Variants in CAPS2 observed in about 807,000 individuals in gnomAD.
The protein encoded by CAPS2 is calcyphosine 2.
In CAPS2, 98 loss-of-function variants were observed where a neutral mutation model predicts 86.5. That is an observed-to-expected ratio of 1.13 (90% confidence interval 0.96 to 1.34). The LOEUF (loss-of-function observed/expected upper bound fraction) is 1.34. CAPS2 is among the 40% of genes most tolerant of loss of function. CAPS2 has a pLI of 0.00. For synonymous variants in CAPS2, 210 were observed against 225.1 expected, an observed-to-expected ratio of 0.93 and a Z score of 0.60; for missense variants, 729 against 686.8, an observed-to-expected ratio of 1.06 and a Z score of -0.69.
At chr12:75,360,996 G>A (rs547945452) in intron 1 of CAPS2, 1 of 152,232 alleles carries the variant, frequency 6.6e-6, no homozygotes, top group Non-Finnish European at 1.5e-5. Context: ...CTCACAACCA[G>A]GAAGAATTTC....
At chr12:75,292,719 T>C (rs1295823984) in intron 12 of CAPS2, among the ~76,000 whole-genome samples, 3 of 147,512 alleles carry the variant, frequency 2.0e-5, no homozygotes, top group African/African-American at 7.4e-5. Context: ...ATATTATATA[T>C]AATATCACAG....
Position 75,363,582 on chromosome 12 carries a change from C to T in CAPS2, c.-395+27256G>A, listed in dbSNP as rs191892286. Among the ~76,000 whole-genome samples, 171 of 152,204 alleles carry T rather than the reference C, an allele frequency of 1.1e-3. 1 individual carries two copies. The highest frequency in any genetic ancestry group is 3.6e-3 in the African/African-American group (151 of 41,544). ...CAAAGTAATTATGATTTAAAACTAACATGTTTCTCTTTCATGATCAGCTTT... is the reference window on the plus strand; with the variant it reads ...CAAAGTAATTATGATTTAAAACTAATATGTTTCTCTTTCATGATCAGCTTT... On this transcript the variant is annotated intron_variant, in intron 1 of 5. Transcript: ENST00000551829.
At position 75,299,830 on chromosome 12, in the gene CAPS2, C is replaced by A; in HGVS notation, c.854+7G>T. ...AGGATTAAAAATTTTAATAAAATCA[C>A]AATTACCGTGATACGATCCTACCAT... On this transcript the variant is annotated splice_region_variant and intron_variant, in intron 9 of 16. Coordinates refer to ENST00000393284, the Ensembl canonical transcript of CAPS2. 7.0e-7 allele frequency: 1 copy of A among 1,424,494 alleles called. No individual in the cohort carries two copies. The allele number at this position is 1,424,494 out of a possible 1,614,324, so 88.2% of individuals were successfully genotyped here.
At chr12:75,334,543 G>C (rs1388160310), upstream of CAPS2, 3 of 1,401,484 alleles carry the variant, frequency 2.1e-6, no homozygotes, top group Admixed American at 3.2e-5. Flanking sequence ...TTGTGGAAGG[G>C]GAACCCTGCT....
intron 5 of CAPS2, among the ~76,000 whole-genome samples, 175 bp from the exon 6 acceptor site, chr12:75,316,609 G>A (rs1384072609): frequency 6.6e-5 from 10 of 152,036 alleles, no homozygotes; most frequent in African/African-American, 9.7e-5. Context: ...CCACTTGCCC[G>A]CTAGGTGACC....
At chr12:75,277,098 A>G, downstream of CAPS2, 1 of 984,036 alleles carries the variant, frequency 1.0e-6, no homozygotes, top group Non-Finnish European at 1.2e-6. Context: ...AATCTCATAA[A>G]TAGAGCTATT....
chr12:75,291,709 T>C (rs1386622770), intron 13 of CAPS2, 35 bp downstream of exon 13: 2 of 1,149,756 alleles, frequency 1.7e-6, no homozygotes, highest in Non-Finnish European at 2.4e-6. Context: ...GGACTGAAAA[T>C]TCAAAGTACT....
intron 1 of CAPS2, among the ~76,000 whole-genome samples, chr12:75,364,073 C>G (rs1362829878): frequency 1.3e-5 from 2 of 152,148 alleles, no homozygotes; most frequent in Admixed American, 1.3e-4. Flanking sequence ...TAGATGAAAC[C>G]TCAAGATATC....
At chr12:75,361,685 T>TA (rs542916470) in intron 1 of CAPS2, among the ~76,000 whole-genome samples, 10 of 152,108 alleles carry the variant, frequency 6.6e-5, no homozygotes, top group Admixed American at 2.6e-4. Context: ...GCAGGAGAGA[T>TA]AAGAGAGAAG....
chr12:75,300,958 A>G (rs1002515715), intron 8 of CAPS2, among the ~76,000 whole-genome samples: 1 of 152,202 alleles, frequency 6.6e-6, no homozygotes, highest in Non-Finnish European at 1.5e-5. Context: ...CAGAATAACT[A>G]AAGAGTGGGG....
chr12:75,302,437 A>T (rs888735014), intron 8 of CAPS2, among the ~76,000 whole-genome samples: 1 of 152,258 alleles, frequency 6.6e-6, no homozygotes, highest in African/African-American at 2.4e-5. Context: ...GACATATGAC[A>T]TATGTGGCAT....
exon 17 of CAPS2, chr12:75,277,324 A>G (rs1191037084): frequency 3.9e-5 from 38 of 970,042 alleles, no homozygotes; most frequent in Non-Finnish European, 4.7e-5. Flanking sequence ...AAAAATTATC[A>G]ATGAAAAACA....
upstream of CAPS2, chr12:75,329,989 C>T (rs2041151507): frequency 5.0e-6 from 4 of 799,046 alleles, no homozygotes; most frequent in African/African-American, 3.5e-5. Flanking sequence ...TAAACTAGCG[C>T]GATTCCTCCA....
At chr12:75,386,840 C>G (rs1035351432) in intron 1 of CAPS2, among the ~76,000 whole-genome samples, 8 of 150,364 alleles carry the variant, frequency 5.3e-5, no homozygotes, top group Non-Finnish European at 1.5e-5. Context: ...GGTTCTGGAA[C>G]AACTGAACGT....
chr12:75,328,339 A>C (rs1255895904), upstream of CAPS2, among the ~76,000 whole-genome samples: 1 of 152,152 alleles, frequency 6.6e-6, no homozygotes, highest in Non-Finnish European at 1.5e-5. Flanking sequence ...ATTTATAGCT[A>C]TTTCAAATCA....
chr12:75,348,776 A>G (rs2042615766), intron 1 of CAPS2, among the ~76,000 whole-genome samples: 1 of 152,240 alleles, frequency 6.6e-6, no homozygotes, highest in Admixed American at 6.5e-5. Context: ...ATACCCTGTC[A>G]CTTGAAACAA....
chr12:75,356,187 G>T (rs2043145315), intron 1 of CAPS2, among the ~76,000 whole-genome samples: 1 of 152,044 alleles, frequency 6.6e-6, no homozygotes, highest in Non-Finnish European at 1.5e-5. Context: ...GATGCCAGCA[G>T]ATTTTTCAGT....
At chr12:75,379,648 C>T (rs2044848930) in intron 1 of CAPS2, among the ~76,000 whole-genome samples, 1 of 152,118 alleles carries the variant, frequency 6.6e-6, no homozygotes, top group African/African-American at 2.4e-5. Context: ...GAGATTCTCT[C>T]GTCCTGCTAG....
chr12:75,378,901 T>C (rs2044804290), intron 1 of CAPS2, among the ~76,000 whole-genome samples: 1 of 152,224 alleles, frequency 6.6e-6, no homozygotes, highest in Non-Finnish European at 1.5e-5. Context: ...AAGCTTTCAC[T>C]ATTTGTTTAA....
Sources: gnomAD v4.1 joint callset for allele counts (sites outside exome capture counted in the v4.1 genomes callset) on GRCh38, gnomAD v4.1.1 for gene constraint, MANE v1.5 for transcripts, NCBI Gene and HGNC (gene_info 2026-07-23, HGNC 2026-07-21) for gene names.